COL20A1: variants seen among roughly 807,000 people sequenced by gnomAD.
COL20A1 encodes collagen alpha-1(XX) chain.
In COL20A1, 164 loss-of-function variants were observed where a neutral mutation model predicts 152.9. The observed-to-expected ratio is 1.07, with a 90% confidence interval of 0.94 to 1.22. The LOEUF (loss-of-function observed/expected upper bound fraction) is 1.22. COL20A1 is among the 50% of genes most tolerant of loss of function. COL20A1 has a pLI of 0.00. For synonymous variants in COL20A1, 864 were observed against 756.0 expected, an observed-to-expected ratio of 1.14 and a Z score of -2.34; for missense variants, 1,873 against 1,744.8, an observed-to-expected ratio of 1.07 and a Z score of -1.31.
intron 33 of COL20A1, 24 bp downstream of exon 33, chr20:63,328,151 T>G: frequency 6.2e-7 from 1 of 1,612,156 alleles, no homozygotes. Context: ...TCAGAGTGAG[T>G]GAGGCCAGCA....
chr20:63,323,819 T>C (rs1331968505), intron 27 of COL20A1, among the ~76,000 whole-genome samples: 1 of 152,248 alleles, frequency 6.6e-6, no homozygotes, highest in Non-Finnish European at 1.5e-5. Flanking sequence ...CCCCAGAATT[T>C]TCCTGGCTCT....
intron 15 of COL20A1, 116 bp downstream of exon 15, chr20:63,312,665 G>C (rs2068025460): frequency 1.4e-6 from 2 of 1,464,090 alleles, no homozygotes; most frequent in Non-Finnish European, 1.8e-6. Context: ...GCTGAGCCAG[G>C]TGGGGATGGG....
At chr20:63,297,883 C>T (rs1382316617) in intron 2 of COL20A1, 27 bp from the exon 3 acceptor site, 11 of 1,578,172 alleles carry the variant, frequency 7.0e-6, no homozygotes, top group African/African-American at 1.3e-5. Flanking sequence ...CCAGGTCAGT[C>T]CTGACCACTA....
At position 63,318,923 on chromosome 20, in the gene COL20A1, G is replaced by A. The variant is rs145836246; in HGVS notation, c.2664-135G>A. On this transcript the variant is annotated intron_variant, in intron 21 of 35. Coordinates refer to ENST00000358894, the MANE Select transcript of COL20A1 (RefSeq NM_020882.4). ...CTACAGCTGGGAAGGGTGTGCGGGT[G>A]CAGGGGTCCACCATGACCCTCAGAG... is the stretch of plus-strand genomic sequence containing the variant. 6.7e-4 allele frequency: 458 copies of A among 686,404 alleles called. 2 individuals carry two copies. The highest frequency in any genetic ancestry group is 4.5e-3 in the African/African-American group (253 of 55,816). 42.5% of individuals were successfully genotyped at this position (686,404 alleles called of 1,614,324 possible). A position where few individuals can be genotyped will look rare whatever the true frequency, so the allele number is the denominator to read the frequency against.
In COL20A1 at chr20:63,306,717, C is replaced by G. The variant is rs2067930701; in HGVS notation, c.496+678C>G. ...CCCCCGTAGGCAGGGCTGGGCTTCCCCATAGAACTGGGAGGGCCTGGCTTT... is the reference window on the plus strand; with the variant it reads ...CCCCCGTAGGCAGGGCTGGGCTTCCGCATAGAACTGGGAGGGCCTGGCTTT... On this transcript the variant is annotated intron_variant, in intron 5 of 35. Coordinates refer to ENST00000358894, the MANE Select transcript of COL20A1 (RefSeq NM_020882.4). The surrounding 1 kb of genome is among the most constrained non-coding windows in gnomAD (Gnocchi z 6.9). Among the ~76,000 whole-genome samples, 1 of 152,240 alleles carries G rather than the reference C, an allele frequency of 6.6e-6. No homozygotes were observed. The highest frequency in any genetic ancestry group is 2.4e-5 in the African/African-American group (1 of 41,468).
chr20:63,316,478 C>T (rs3746380), intron 20 of COL20A1, 75 bp from the exon 21 acceptor site: 77,204 of 1,335,254 alleles, frequency 0.058, 2,831 homozygotes, highest in South Asian at 0.099. Flanking sequence ...CTTGAGTCCC[C>T]GCTCCTGCCC....
At chr20:63,321,258 G>C (rs189581877) in intron 26 of COL20A1, among the ~76,000 whole-genome samples, 159 bp downstream of exon 26, 4 of 151,972 alleles carry the variant, frequency 2.6e-5, no homozygotes. Flanking sequence ...TGCTGTGCCC[G>C]CCCTGGGCCA....
chr20:63,309,994 A>G lies in COL20A1; in HGVS notation c.1263+79A>G. 2.3e-6 allele frequency: 3 copies of G among 1,291,780 alleles called. No homozygotes were observed. The South Asian group carries it at 4.5e-5, about 19-fold the overall frequency. 80.0% of individuals were successfully genotyped at this position (1,291,780 alleles called of 1,614,324 possible). ...TCTGATAAGCCAAAGGGAGGGCAGG[A>G]ATAAAGGCCCACAAATAACTGGGTC... On this transcript the variant is annotated intron_variant, in intron 10 of 35. Transcript: ENST00000358894.
chr20:63,311,982 G>T lies in COL20A1; in HGVS notation c.1730G>T (p.Trp577Leu). The change falls in exon 14 of 36, where the codon TGG becomes TTG. Residue 577 changes from tryptophan (W) to leucine (L), a missense_variant. Physicochemically the swap from Trp to Leu is moderately conservative, Grantham distance 61 (BLOSUM62 -2). Coordinates refer to ENST00000358894, the MANE Select transcript of COL20A1 (RefSeq NM_020882.4). This position sits in a 1 kb window ranked among gnomAD's most constrained non-coding sequence, Gnocchi z 4.4. ...DVSHDAARVFWEGAPRPVRLV... is the reference protein window; with the variant it reads ...DVSHDAARVFLEGAPRPVRLV... ...AGCCACGACGCGGCACGAGTGTTCT[G>T]GGAGGGTGCCCCGAGGCCTGTGCGC... 1 of 1,603,852 alleles carries T rather than the reference G, an allele frequency of 6.2e-7. No individual in the cohort carries two copies. The highest frequency in any genetic ancestry group is 1.7e-5 in the Admixed American group (1 of 59,104).
At chr20:63,295,060 G>A in intron 1 of COL20A1, 38 bp from the exon 2 acceptor site, 1 of 1,356,116 alleles carries the variant, frequency 7.4e-7, no homozygotes, top group Non-Finnish European at 1.0e-6. Flanking sequence ...GGACAGACGG[G>A]GGGACGGCTG....
rs1473807402 is a variant in COL20A1, at chr20:63,332,451, C to CAGTG, written c.*1736_*1739dup. On this transcript the variant is annotated 3_prime_UTR_variant, in exon 36 of 36. Transcript: ENST00000358894. ...AGCTGAACTGAGAAGGCTCTTTGAG[C>CAGTG]AGTGGAGTGAGCAGGCTTTGTCATG... The CAGTG allele has an allele frequency of 6.6e-6, 1 of 152,284 alleles. No homozygotes were observed. Among genetic ancestry groups the CAGTG allele is most frequent in the Non-Finnish European group, 1.5e-5 (1 of 68,086 alleles). The allele number at this position is 152,284 out of a possible 1,614,324, so 9.4% of individuals were successfully genotyped here.
At chr20:63,297,200 T>C (rs2067805361) in intron 2 of COL20A1, among the ~76,000 whole-genome samples, 1 of 152,110 alleles carries the variant, frequency 6.6e-6, no homozygotes, top group East Asian at 1.9e-4. Flanking sequence ...CAGCTAGGGG[T>C]CTGCAGCTGC....
Position 63,308,704 on chromosome 20 carries a change from TG to T in COL20A1, c.940+1del. 6.2e-7 allele frequency: 1 copy of T among 1,600,284 alleles called. No homozygotes were observed. The highest frequency in any genetic ancestry group is 8.5e-7 in the Non-Finnish European group (1 of 1,173,550). The part of the protein sequence containing the change: ...LKDLGVNVFA[V>X]GVKNADEAEL... Reference sequence around the variant, plus strand: ...GACCTGGGCGTGAACGTCTTCGCTGTGGGTGAGCACCATGCGGCTCCCCCGG... The same window carrying T: ...GACCTGGGCGTGAACGTCTTCGCTGTGGTGAGCACCATGCGGCTCCCCCGG... On this transcript the variant is annotated frameshift_variant and splice_region_variant, in exon 8 of 36. Coordinates refer to ENST00000358894, the MANE Select transcript of COL20A1 (RefSeq NM_020882.4). LOFTEE classifies it high-confidence loss of function.
At position 63,313,739 on chromosome 20, in the gene COL20A1, C is replaced by T. The variant is rs201736458; in HGVS notation, c.2210-4C>T. ...AGCCCCACACAACCCATGCTCTCGG[C>T]CAGCCACGGTGAGCAGGAGCCCACC... is the stretch of plus-strand genomic sequence containing the variant. On this transcript the variant is annotated splice_region_variant and splice_polypyrimidine_tract_variant and intron_variant, in intron 17 of 35. Transcript: ENST00000358894. This position sits in a 1 kb window ranked among gnomAD's most constrained non-coding sequence, Gnocchi z 5.9. The T allele has an allele frequency of 1.9e-6, 3 of 1,576,672 alleles. No individual in the cohort carries two copies. The highest frequency in any genetic ancestry group is 2.7e-5 in the African/African-American group (2 of 73,528).
At chr20:63,293,713 G>T (rs1005584236) in intron 1 of COL20A1, among the ~76,000 whole-genome samples, 1 of 152,080 alleles carries the variant, frequency 6.6e-6, no homozygotes, top group Non-Finnish European at 1.5e-5. Flanking sequence ...CAGCCCTCAG[G>T]TGCCTCCTGT....
rs1399325307 is a variant in COL20A1, at chr20:63,328,462, G to A, written c.3745G>A (p.Glu1249Lys). 1 of 1,612,358 alleles carries A rather than the reference G, an allele frequency of 6.2e-7. No homozygotes were observed. The highest frequency in any genetic ancestry group is 1.3e-5 in the African/African-American group (1 of 74,930). The stretch of plus-strand genomic sequence containing the variant: ...CCGCAGCAAGGCCCTGGTTCCTGGA[G>A]AATGGGGGCGTGGTGGCCGCCACCT... Reference protein sequence around the residue: ...GTRSKALVPGEWGRGGRHLEG... With the variant: ...GTRSKALVPGKWGRGGRHLEG... The change falls in exon 34 of 36, where the codon GAA becomes AAA. Residue 1249 changes from glutamate (E) to lysine (K), a missense_variant. By Grantham distance (56) the Glu-to-Lys change is moderately conservative (BLOSUM62 1). Transcript: ENST00000358894.
chr20:63,330,993 C>G lies in COL20A1; in HGVS notation c.*277C>G, dbSNP rs1478222742. 1 of 152,468 alleles carries G rather than the reference C, an allele frequency of 6.6e-6. No homozygotes were observed. The highest frequency in any genetic ancestry group is 1.9e-4 in the East Asian group (1 of 5,210). The allele number at this position is 152,468 out of a possible 1,614,324, so 9.4% of individuals were successfully genotyped here. ...GTCCCCCACCCTGGCTCTGTGCACC[C>G]CACCTTGAGGCCCTGCAGCTTCAGC... On this transcript the variant is annotated 3_prime_UTR_variant, in exon 36 of 36. Transcript: ENST00000358894.
At chr20:63,309,958 C>T (rs568787488) in intron 10 of COL20A1, 43 bp downstream of exon 10, 2 of 1,523,830 alleles carry the variant, frequency 1.3e-6, no homozygotes, top group East Asian at 4.6e-5. Context: ...CGGTCCTCAG[C>T]CGTAGTGAGA....
chr20:63,317,010 G>GGGC lies in COL20A1; in HGVS notation c.2663+320_2663+322dup, dbSNP rs571764418. 2.7e-3 allele frequency among the ~76,000 whole-genome samples: 407 copies of GGGC among 151,130 alleles called. 3 individuals are homozygous for GGGC. Among genetic ancestry groups the GGGC allele is most frequent in the African/African-American group, 9.4e-3 (387 of 41,114 alleles). ...GAGCCCCAGACTGACCTGAGGCGAT[G>GGGC]GGCCAAACTGCCAGTAGCCGGATTT... On this transcript the variant is annotated intron_variant, in intron 21 of 35. Coordinates refer to ENST00000358894, the MANE Select transcript of COL20A1 (RefSeq NM_020882.4).
Sources: allele counts gnomAD v4.1 joint callset (sites outside exome capture counted in the v4.1 genomes callset), GRCh38; gene constraint gnomAD v4.1.1; non-coding constraint Gnocchi (gnomAD v3.1); transcripts MANE v1.5; gene names NCBI Gene and HGNC (gene_info 2026-07-23, HGNC 2026-07-21).